FILIP1L: variants seen among roughly 807,000 people sequenced by gnomAD.
FILIP1L encodes the protein filamin A interacting protein 1 like.
FILIP1L carries 55 observed loss-of-function variants against 96.6 expected under a neutral mutation model. The observed-to-expected ratio is 0.57, with a 90% CI of 0.46 to 0.71. The LOEUF (loss-of-function observed/expected upper bound fraction) is 0.71. Among genes scored for constraint, FILIP1L ranks in the 30% least tolerant of loss-of-function variants. FILIP1L has a pLI of 0.00. For synonymous variants in FILIP1L, 467 were observed against 473.9 expected (o/e 0.99, Z 0.19); for missense variants, 1,304 against 1,321.2 (o/e 0.99, Z 0.20).
At chr3:99,897,988 T>C (rs1031612277) in intron 4 of FILIP1L, 4 of 152,240 alleles carry the variant, frequency 2.6e-5, no homozygotes, top group African/African-American at 9.6e-5. Context: ...CCTCCAATTC[T>C]GATTCCTCAT....
At chr3:99,983,522 A>C (rs1443601166) in intron 1 of FILIP1L, among the ~76,000 whole-genome samples, 2 of 128,550 alleles carry the variant, frequency 1.6e-5, no homozygotes, top group Admixed American at 8.3e-5. Context: ...ATATATATAC[A>C]CACACAAAAA....
At chr3:100,100,740 G>T (rs2066289305) in intron 1 of FILIP1L, among the ~76,000 whole-genome samples, 1 of 152,314 alleles carries the variant, frequency 6.6e-6, no homozygotes, top group South Asian at 2.1e-4. Context: ...ATGAGAAATA[G>T]CATCACTAAG....
At chr3:100,010,918 C>T (rs746702155) in intron 1 of FILIP1L, among the ~76,000 whole-genome samples, 28 of 151,630 alleles carry the variant, frequency 1.8e-4, no homozygotes, top group Admixed American at 1.1e-3. Flanking sequence ...TGAGCCACCG[C>T]GCCCAGCTGA....
rs2065668376 is a variant in FILIP1L, at chr3:100,066,554, CG to C, written c.-11+47498del. 2.5e-5 allele frequency among the ~76,000 whole-genome samples: 2 copies of C among 78,836 alleles called. 1 individual carries two copies. The highest frequency in any genetic ancestry group is 4.5e-5 in the Non-Finnish European group (2 of 44,268). 51.7% of individuals were successfully genotyped at this position (78,836 alleles called of 152,430 possible). ...TTTTTTTTTTTTTTTTTTTTTGAGA[CG>C]GAGTCTCGCTCTGTCGCCCAGGCTG... On this transcript the variant is annotated intron_variant, in intron 1 of 5. Coordinates refer to ENST00000477258, the MANE Select transcript of FILIP1L (RefSeq NM_001387850.1).
intron 1 of FILIP1L, among the ~76,000 whole-genome samples, chr3:100,004,315 T>G (rs1709927044): frequency 6.6e-6 from 1 of 152,206 alleles, no homozygotes; most frequent in Non-Finnish European, 1.5e-5. Context: ...AAGAACATTG[T>G]GTATAATGGT....
chr3:100,010,270 A>G (rs1306932276), intron 1 of FILIP1L: 2 of 299,160 alleles, frequency 6.7e-6, no homozygotes, highest in Non-Finnish European at 9.9e-6. Context: ...TGTCCTTAGT[A>G]GTATACTGTG....
chr3:99,895,387 T>TC, intron 4 of FILIP1L, among the ~76,000 whole-genome samples: 1 of 151,930 alleles, frequency 6.6e-6, no homozygotes, highest in African/African-American at 2.4e-5. Context: ...CTTTTTTTTT[T>TC]TTTTTTTTAC....
At chr3:99,958,686 A>G (rs1708408822) in intron 1 of FILIP1L, among the ~76,000 whole-genome samples, 1 of 152,176 alleles carries the variant, frequency 6.6e-6, no homozygotes, top group South Asian at 2.1e-4. Context: ...CAGAGCAGGC[A>G]GTGTGAGGCA....
chr3:100,012,862 C>A (rs181805998), intron 1 of FILIP1L, among the ~76,000 whole-genome samples: 21 of 151,566 alleles, frequency 1.4e-4, no homozygotes, highest in African/African-American at 4.8e-4. Flanking sequence ...CAGCTTCCAC[C>A]TCCCAGGCTC....
chr3:100,036,564 A>G (rs547362249), intron 1 of FILIP1L, among the ~76,000 whole-genome samples: 7 of 152,376 alleles, frequency 4.6e-5, no homozygotes, highest in Middle Eastern at 3.4e-3. Context: ...TATTCTTTAC[A>G]GTAGAATGCC....
intron 4 of FILIP1L, among the ~76,000 whole-genome samples, chr3:99,919,627 C>T (rs1707061950): frequency 6.6e-6 from 1 of 151,756 alleles, no homozygotes; most frequent in Admixed American, 6.6e-5. Context: ...TGAGAGAAGC[C>T]TTTAAAAGTG....
At chr3:100,111,935 A>G (rs749899248) in intron 1 of FILIP1L, among the ~76,000 whole-genome samples, 21 of 152,352 alleles carry the variant, frequency 1.4e-4, no homozygotes, top group South Asian at 8.3e-4. Flanking sequence ...TCAAATCACT[A>G]GTAATCAGAC....
intron 1 of FILIP1L, among the ~76,000 whole-genome samples, chr3:100,060,050 G>C (rs2065533570): frequency 6.6e-6 from 1 of 151,772 alleles, no homozygotes; most frequent in East Asian, 1.9e-4. Flanking sequence ...TGGGGAAATG[G>C]GGGCGGGGGG....
chr3:100,020,760 C>CTTTTTTTTTTTTTTTTTT (rs34665880), intron 1 of FILIP1L, among the ~76,000 whole-genome samples: 1 of 70,994 alleles, frequency 1.4e-5, no homozygotes, highest in Non-Finnish European at 2.4e-5. Context: ...GAATAATTAG[C>CTTTTTTTTTTTTTTTTTT]TTTTTTTTTT....
rs1709222250 is a variant in FILIP1L, at chr3:99,983,469, T to TATATAC, written c.-10-52440_-10-52439insGTATAT. Among the ~76,000 whole-genome samples, 3 of 11,330 alleles carry TATATAC rather than the reference T, an allele frequency of 2.6e-4. No homozygotes were observed. The Admixed American group carries it at 2.8e-3, about 11-fold the overall frequency. 7.4% of individuals were successfully genotyped at this position (11,330 alleles called of 152,430 possible). On this transcript the variant is annotated intron_variant, in intron 1 of 5. Transcript: ENST00000477258. ...ATGTATATATATATATGTGTGTATA[T>TATATAC]ATATATATATATATATATATATATA...
At chr3:99,861,493 G>T (rs1944252190) in intron 4 of FILIP1L, among the ~76,000 whole-genome samples, 1 of 152,144 alleles carries the variant, frequency 6.6e-6, no homozygotes, top group South Asian at 2.1e-4. Flanking sequence ...TTGTCCTCAG[G>T]TTCCTAATGC....
chr3:100,077,202 C>T (rs1454223128), intron 1 of FILIP1L, among the ~76,000 whole-genome samples: 1 of 152,168 alleles, frequency 6.6e-6, no homozygotes. Context: ...ACATGTTGCT[C>T]GTAGGTTCCA....
intron 1 of FILIP1L, among the ~76,000 whole-genome samples, chr3:99,958,847 G>T (rs1708414109): frequency 6.6e-6 from 1 of 152,176 alleles, no homozygotes; most frequent in African/African-American, 2.4e-5. Flanking sequence ...AGCTGTACTA[G>T]TTTGGCATCT....
intron 3 of FILIP1L, 34 bp from the exon 4 acceptor site, chr3:99,924,442 ATTGT>A: frequency 6.3e-7 from 1 of 1,577,892 alleles, no homozygotes; most frequent in African/African-American, 1.4e-5. Flanking sequence ...CTGTTACCAA[ATTGT>A]TTATATACTG....
Sources: gnomAD v4.1 joint callset for allele counts (sites outside exome capture counted in the v4.1 genomes callset) on GRCh38, gnomAD v4.1.1 for gene constraint, MANE v1.5 for transcripts, NCBI Gene and HGNC (gene_info 2026-07-23, HGNC 2026-07-21) for gene names.